Variants in VAMP7 observed in about 807,000 individuals in gnomAD.
VAMP7 encodes vesicle-associated membrane protein 7.
VAMP7 carries 14 observed loss-of-function variants against 29.6 expected under a neutral mutation model. That is an observed-to-expected ratio of 0.47 (90% CI 0.31 to 0.74). The LOEUF (loss-of-function observed/expected upper bound fraction) is 0.74. Ranked by LOEUF, VAMP7 falls within the 30% of genes least tolerant of loss-of-function variation. VAMP7 has a pLI of 0.05. For synonymous variants in VAMP7, 95 were observed against 88.1 expected, an observed-to-expected ratio of 1.08 and a Z score of -0.44; for missense variants, 223 against 262.4, an observed-to-expected ratio of 0.85 and a Z score of 1.04.
chrX:155,899,798 A>G (rs1160080634), intron 4 of VAMP7, among the ~76,000 whole-genome samples: 1 of 152,066 alleles, frequency 6.6e-6, no homozygotes, highest in Non-Finnish European at 1.5e-5. Context: ...GACCTTCTGA[A>G]CAAAATCTCT....
Position 155,895,509 on chromosome X carries a change from G to A in VAMP7, c.147-114G>A, listed in dbSNP as rs888557997. On this transcript the variant is annotated intron_variant, in intron 2 of 7. Coordinates refer to ENST00000286448, the MANE Select transcript of VAMP7 (RefSeq NM_005638.6). ...GGAAGAGGGAGAAGAGACTGTATCCGTAAGTAATATGGTGACATTGGCAGT... is the reference window on the plus strand; with the variant it reads ...GGAAGAGGGAGAAGAGACTGTATCCATAAGTAATATGGTGACATTGGCAGT... 9.3e-4 allele frequency: 642 copies of A among 689,822 alleles called. 1 individual carries two copies. Among genetic ancestry groups the A allele is most frequent in the Non-Finnish European group, 1.4e-3 (539 of 386,746 alleles). The allele number at this position is 689,822 out of a possible 1,614,324, so 42.7% of individuals were successfully genotyped here.
At chrX:155,931,631 G>C in intron 6 of VAMP7, among the ~76,000 whole-genome samples, 1 of 152,268 alleles carries the variant, frequency 6.6e-6, no homozygotes, top group South Asian at 2.1e-4. Context: ...CAGATGAGTA[G>C]ATTGCAAAAC....
intron 2 of VAMP7, among the ~76,000 whole-genome samples, chrX:155,891,155 G>T: frequency 6.6e-6 from 1 of 152,302 alleles, no homozygotes; most frequent in Non-Finnish European, 1.5e-5. Flanking sequence ...CAGTCATGTA[G>T]CTAGCATAGC....
chrX:155,902,405 GTT>G (rs1350178483), intron 5 of VAMP7, among the ~76,000 whole-genome samples: 1 of 149,986 alleles, frequency 6.7e-6, no homozygotes, highest in African/African-American at 2.5e-5. Context: ...CCAACACTAT[GTT>G]GAATAGGAGT....
chrX:155,938,209 C>T (rs762682712), intron 6 of VAMP7, among the ~76,000 whole-genome samples: 1 of 152,122 alleles, frequency 6.6e-6, no homozygotes, highest in South Asian at 2.1e-4. Context: ...TTTTTTGTCT[C>T]CTCACTTTAA....
At chrX:155,884,219 C>T (rs746611299) in intron 1 of VAMP7, among the ~76,000 whole-genome samples, 1 of 152,076 alleles carries the variant, frequency 6.6e-6, no homozygotes, top group Admixed American at 6.5e-5. Flanking sequence ...CCTCCACTTC[C>T]CGGGTTCAAG....
chrX:155,898,326 C>A, intron 4 of VAMP7, 77 bp downstream of exon 4: 2 of 1,525,898 alleles, frequency 1.3e-6, no homozygotes, highest in South Asian at 1.3e-5. Context: ...TCTAGGGGGC[C>A]CTGACCTGCA....
chrX:155,909,684 G>GTCCA (rs1218639129), intron 5 of VAMP7, among the ~76,000 whole-genome samples: 1 of 152,176 alleles, frequency 6.6e-6, no homozygotes, highest in East Asian at 1.9e-4. Flanking sequence ...GAGGCTAGAA[G>GTCCA]TCCAAGATCA....
Position 155,942,677 on chromosome X carries a change from GT to G in VAMP7, c.*728del, listed in dbSNP as rs2066764257. On this transcript the variant is annotated 3_prime_UTR_variant, in exon 8 of 8. Coordinates refer to ENST00000286448, the MANE Select transcript of VAMP7 (RefSeq NM_005638.6). ...TTGAGAAGATGAAGGTTTAAATATT[GT>G]TGAAAGTTGCAGTTTTTTAAATGTG... The G allele has an allele frequency of 6.5e-6, 1 of 153,366 alleles. No homozygotes were observed. The highest frequency in any genetic ancestry group is 2.0e-4 in the South Asian group (1 of 4,886). The allele number at this position is 153,366 out of a possible 1,614,324, so 9.5% of individuals were successfully genotyped here. A position where few individuals can be genotyped will look rare whatever the true frequency, so the allele number is the denominator to read the frequency against.
At chrX:155,905,766 C>G (rs1013439589) in intron 5 of VAMP7, among the ~76,000 whole-genome samples, 3 of 152,104 alleles carry the variant, frequency 2.0e-5, no homozygotes, top group African/African-American at 7.2e-5. Context: ...TATCTTTATG[C>G]CAGTACCAGG....
At chrX:155,903,935 G>A (rs2066107683) in intron 5 of VAMP7, among the ~76,000 whole-genome samples, 3 of 152,028 alleles carry the variant, frequency 2.0e-5, no homozygotes, top group Non-Finnish European at 4.4e-5. Context: ...ATTCACAATA[G>A]CAAAGACTTG....
intron 5 of VAMP7, among the ~76,000 whole-genome samples, chrX:155,901,881 T>A (rs1569438384): frequency 6.6e-6 from 1 of 152,170 alleles, no homozygotes; most frequent in Admixed American, 6.5e-5. Context: ...ATATGAACTT[T>A]AAAGTAGTTT....
At chrX:155,927,771 T>G (rs1409041583) in intron 6 of VAMP7, among the ~76,000 whole-genome samples, 1 of 151,626 alleles carries the variant, frequency 6.6e-6, no homozygotes, top group Non-Finnish European at 1.5e-5. Flanking sequence ...GGCAGTTTTT[T>G]TTTTTTTTTA....
chrX:155,907,392 C>T (rs1339795519), intron 5 of VAMP7, among the ~76,000 whole-genome samples: 2 of 151,906 alleles, frequency 1.3e-5, no homozygotes, highest in African/African-American at 4.8e-5. Flanking sequence ...ACAAAGGTCT[C>T]TGGTTTTCCT....
chrX:155,928,362 A>G (rs895473954), intron 6 of VAMP7, among the ~76,000 whole-genome samples: 28 of 152,166 alleles, frequency 1.8e-4, no homozygotes, highest in Non-Finnish European at 3.1e-4. Context: ...TTCTCCCACT[A>G]CTGGATTTCA....
At chrX:155,939,608 G>T (rs1360524710) in intron 6 of VAMP7, 93 bp from the exon 7 acceptor site, 1 of 907,106 alleles carries the variant, frequency 1.1e-6, no homozygotes, top group African/African-American at 1.6e-5. Context: ...GGACTTAAAT[G>T]GAATTAATGG....
chrX:155,908,334 A>G (rs1289344254), intron 5 of VAMP7, among the ~76,000 whole-genome samples: 1 of 152,178 alleles, frequency 6.6e-6, no homozygotes, highest in African/African-American at 2.4e-5. Flanking sequence ...AGGCTGGCGG[A>G]TCACTCGCGG....
chrX:155,915,161 T>C (rs751909487), intron 5 of VAMP7, among the ~76,000 whole-genome samples: 2 of 152,328 alleles, frequency 1.3e-5, no homozygotes, highest in South Asian at 4.2e-4. Context: ...GAGGTGTTTA[T>C]AGTATTCTCT....
chrX:155,919,022 G>C (rs186031176), intron 5 of VAMP7, among the ~76,000 whole-genome samples: 131 of 152,270 alleles, frequency 8.6e-4, no homozygotes, highest in African/African-American at 2.9e-3. Flanking sequence ...GATCATCAGG[G>C]TTGTTGGCCT....
Sources: allele counts gnomAD v4.1 joint callset (sites outside exome capture counted in the v4.1 genomes callset), GRCh38; gene constraint gnomAD v4.1.1; transcripts MANE v1.5; gene names NCBI Gene and HGNC (gene_info 2026-07-23, HGNC 2026-07-21).